The following GABRG2 variants were observed in gnomAD, a reference collection of about 807,000 sequenced individuals.
The protein encoded by GABRG2 is gamma-aminobutyric acid receptor subunit gamma-2.
In GABRG2, 16 loss-of-function variants were observed where a neutral mutation model predicts 56.4. The ratio of observed to expected loss-of-function variants is 0.28; its 90% confidence interval spans 0.19 to 0.43. GABRG2 has a LOEUF of 0.43. Among genes scored for constraint, GABRG2 ranks in the 20% least tolerant of loss-of-function variants. GABRG2 has a pLI of 1.00. For missense variants in GABRG2, 327 were observed against 582.7 expected, an observed-to-expected ratio of 0.56 and a Z score of 4.52; for synonymous variants, 208 against 205.5, an observed-to-expected ratio of 1.01 and a Z score of -0.10.
At chr5:162,117,206 A>G (rs72821347) in intron 6 of GABRG2, among the ~76,000 whole-genome samples, 23 of 152,330 alleles carry the variant, frequency 1.5e-4, no homozygotes, top group Non-Finnish European at 2.6e-4. Context: ...TTTTATAAAC[A>G]TAAGCAAAAT....
At chr5:162,130,753 T>G (rs1183576955) in intron 6 of GABRG2, among the ~76,000 whole-genome samples, 2 of 152,004 alleles carry the variant, frequency 1.3e-5, no homozygotes, top group Non-Finnish European at 2.9e-5. Flanking sequence ...GATTCGTTTT[T>G]ATTTACAGCT....
At chr5:162,103,675 A>G in intron 5 of GABRG2, 1 of 588,236 alleles carries the variant, frequency 1.7e-6, no homozygotes, top group East Asian at 2.9e-5. Context: ...TTCAAGAGTA[A>G]ATTTGACCTT....
At chr5:162,113,924 C>T (rs1762431563) in intron 6 of GABRG2, among the ~76,000 whole-genome samples, 1 of 152,132 alleles carries the variant, frequency 6.6e-6, no homozygotes, top group African/African-American at 2.4e-5. Context: ...AGGGCTAAAT[C>T]TTAAAGACCA....
At chr5:162,134,251 G>A (rs771497597) in intron 6 of GABRG2, among the ~76,000 whole-genome samples, 1 of 152,114 alleles carries the variant, frequency 6.6e-6, no homozygotes, top group African/African-American at 2.4e-5. Context: ...TTTGATGAAC[G>A]TCAACTGCTT....
At chr5:162,116,878 T>C (rs993391545) in intron 6 of GABRG2, among the ~76,000 whole-genome samples, 4 of 152,080 alleles carry the variant, frequency 2.6e-5, no homozygotes, top group Admixed American at 6.6e-5. Flanking sequence ...ATCACGTGAA[T>C]GGGGAATAGA....
intron 6 of GABRG2, among the ~76,000 whole-genome samples, chr5:162,140,364 T>C (rs948361096): frequency 4.6e-5 from 7 of 152,126 alleles, no homozygotes; most frequent in African/African-American, 1.4e-4. Flanking sequence ...TTAGGAAATA[T>C]TGCAAGGTTA....
At chr5:162,125,478 T>A in intron 6 of GABRG2, among the ~76,000 whole-genome samples, 1 of 143,640 alleles carries the variant, frequency 7.0e-6, no homozygotes, top group Non-Finnish European at 1.5e-5. Flanking sequence ...CAAATGTAGA[T>A]AGCAGCTTCA....
At chr5:162,078,696 T>C (rs1056453069) in intron 1 of GABRG2, among the ~76,000 whole-genome samples, 20 of 151,662 alleles carry the variant, frequency 1.3e-4, no homozygotes, top group Non-Finnish European at 2.4e-4. Flanking sequence ...TGAGCCACCG[T>C]GCCCGGCCAC....
At chr5:162,090,245 A>AACACAT (rs1023267119) in intron 1 of GABRG2, among the ~76,000 whole-genome samples, 2 of 152,040 alleles carry the variant, frequency 1.3e-5, no homozygotes, top group Non-Finnish European at 2.9e-5. Flanking sequence ...AACCCATCCC[A>AACACAT]ACACATACAC....
At chr5:162,072,649 G>A (rs1424098423) in intron 1 of GABRG2, among the ~76,000 whole-genome samples, 7 of 151,922 alleles carry the variant, frequency 4.6e-5, no homozygotes, top group Non-Finnish European at 7.4e-5. Context: ...AATTTTATGC[G>A]CTGCTTGTGT....
rs1233482617 is a variant in GABRG2 at position 162,095,488 on chromosome 5, T to C, written c.260-7T>C. Reference sequence around the variant, plus strand: ...ATGTGCACACATTTCTATGTTTCTCTTTACAGTGAAGCCAACGTTAATTCA... The same window carrying C: ...ATGTGCACACATTTCTATGTTTCTCCTTACAGTGAAGCCAACGTTAATTCA... On this transcript the variant is annotated splice_region_variant and splice_polypyrimidine_tract_variant and intron_variant, in intron 2 of 9. Coordinates refer to ENST00000639213, the MANE Select transcript of GABRG2 (RefSeq NM_198904.4). 6 of 1,589,016 alleles carry C rather than the reference T, an allele frequency of 3.8e-6. No individual in the cohort carries two copies. The highest frequency in any genetic ancestry group is 5.2e-6 in the Non-Finnish European group (6 of 1,158,162).
intron 1 of GABRG2, among the ~76,000 whole-genome samples, chr5:162,073,298 G>T (rs868252799): frequency 2.6e-5 from 4 of 151,796 alleles, no homozygotes; most frequent in African/African-American, 4.8e-5. Context: ...CATATTAAAT[G>T]GAATTATTTA....
chr5:162,122,245 C>G (rs1342341990), intron 6 of GABRG2, among the ~76,000 whole-genome samples: 3 of 151,882 alleles, frequency 2.0e-5, no homozygotes, highest in Admixed American at 1.3e-4. Flanking sequence ...ATTGGCTAAA[C>G]AGCGAGGAAG....
chr5:162,153,537 C>A lies in GABRG2; in HGVS notation c.*169C>A, dbSNP rs973956341. ...GTCATATTGTTTGTGCCCAGCCCTC[C>A]TTTGGTTAGTGTACTTTGAACTTCG... On this transcript the variant is annotated 3_prime_UTR_variant, in exon 10 of 10. Transcript: ENST00000639213. The A allele has an allele frequency of 1.9e-5, 16 of 834,982 alleles. No individual in the cohort carries two copies. In the Admixed American group the frequency reaches 3.4e-4, roughly 18 times the overall value. 51.7% of individuals were successfully genotyped at this position (834,982 alleles called of 1,614,324 possible).
intron 6 of GABRG2, among the ~76,000 whole-genome samples, chr5:162,133,256 T>C (rs79263411): frequency 0.021 from 3,134 of 152,218 alleles, 116 homozygotes; most frequent in East Asian, 0.19. Flanking sequence ...CTATACTCTG[T>C]GTTCGAAAGA....
chr5:162,149,319 T>C lies in GABRG2; in HGVS notation c.1128+6T>C. ...ATAAAAAGAAGAAAAACCCTGTATGTATCATTTTCCATTGGCACCATTGAA... is the reference window on the plus strand; with the variant it reads ...ATAAAAAGAAGAAAAACCCTGTATGCATCATTTTCCATTGGCACCATTGAA... On this transcript the variant is annotated splice_donor_region_variant and intron_variant, in intron 8 of 9. Coordinates refer to ENST00000639213, the MANE Select transcript of GABRG2 (RefSeq NM_198904.4). The C allele has an allele frequency of 6.2e-7, 1 of 1,613,610 alleles. No homozygotes were observed. The highest frequency in any genetic ancestry group is 8.5e-7 in the Non-Finnish European group (1 of 1,179,562).
chr5:162,136,598 T>C (rs1764149736), intron 6 of GABRG2, among the ~76,000 whole-genome samples: 1 of 151,950 alleles, frequency 6.6e-6, no homozygotes, highest in Admixed American at 6.6e-5. Context: ...GGAAAAATCA[T>C]AGAGGCAAGA....
intron 1 of GABRG2, among the ~76,000 whole-genome samples, chr5:162,074,855 T>C (rs931871278): frequency 6.6e-6 from 1 of 152,148 alleles, no homozygotes; most frequent in Non-Finnish European, 1.5e-5. Context: ...GTTTAGAGAA[T>C]GCTAAGAGGT....
At chr5:162,069,960 T>C (rs1758538650) in intron 1 of GABRG2, among the ~76,000 whole-genome samples, 1 of 152,122 alleles carries the variant, frequency 6.6e-6, no homozygotes, top group Non-Finnish European at 1.5e-5. Context: ...TTTTGACTCA[T>C]CTCCATCTTA....
Sources: allele counts gnomAD v4.1 joint callset (sites outside exome capture counted in the v4.1 genomes callset), GRCh38; gene constraint gnomAD v4.1.1; transcripts MANE v1.5; gene names NCBI Gene and HGNC (gene_info 2026-07-23, HGNC 2026-07-21).